The following DHRSX variants were observed in gnomAD, a reference collection of about 807,000 sequenced individuals.
DHRSX encodes dehydrogenase/reductase X-linked.
DHRSX carries 31 observed loss-of-function variants against 34.0 expected under a neutral mutation model. The ratio of observed to expected loss-of-function variants is 0.91; its 90% CI spans 0.69 to 1.23. The LOEUF (loss-of-function observed/expected upper bound fraction) is 1.23, where lower values mean the gene tolerates loss of function less well. Ranked by LOEUF, DHRSX falls within the 50% of genes most tolerant of loss-of-function variation. The pLI is 0.00. For missense variants in DHRSX, 414 were observed against 428.1 expected, an observed-to-expected ratio of 0.97 and a Z score of 0.29; for synonymous variants, 201 against 183.8, an observed-to-expected ratio of 1.09 and a Z score of -0.76.
chrX:2,256,298 T>C (rs1441809446), intron 5 of DHRSX, among the ~76,000 whole-genome samples: 2 of 151,274 alleles, frequency 1.3e-5, no homozygotes, highest in African/African-American at 2.4e-5. Context: ...TGCCCTTTTT[T>C]TTCTTTTTTT....
chrX:2,230,195 ATG>A (rs752858289), intron 6 of DHRSX, among the ~76,000 whole-genome samples: 29 of 138,246 alleles, frequency 2.1e-4, no homozygotes, highest in Admixed American at 2.9e-4. Context: ...TTGCATCTAT[ATG>A]TGTGTATTTG....
At chrX:2,272,145 CCAA>C (rs960653313) in intron 4 of DHRSX, among the ~76,000 whole-genome samples, 1 of 151,938 alleles carries the variant, frequency 6.6e-6, no homozygotes, top group Admixed American at 6.6e-5. Flanking sequence ...CAAAAAAAAA[CCAA>C]CAACAAAAAA....
At chrX:2,313,792 C>T (rs2042192943) in intron 3 of DHRSX, among the ~76,000 whole-genome samples, 1 of 152,092 alleles carries the variant, frequency 6.6e-6, no homozygotes, top group Admixed American at 6.6e-5. Flanking sequence ...AACATGTACC[C>T]CAGGTGGTCG....
intron 3 of DHRSX, among the ~76,000 whole-genome samples, chrX:2,295,579 C>CA (rs750732236): frequency 7.2e-5 from 11 of 151,742 alleles, no homozygotes; most frequent in Middle Eastern, 6.8e-3. Flanking sequence ...ATAATAATAC[C>CA]AAAAAAACAA....
At chrX:2,235,500 T>A (rs2015990930) in intron 6 of DHRSX, among the ~76,000 whole-genome samples, 1 of 151,744 alleles carries the variant, frequency 6.6e-6, no homozygotes, top group Non-Finnish European at 1.5e-5. Context: ...ATCCCAGCAC[T>A]CTGGGAGGCC....
intron 1 of DHRSX, among the ~76,000 whole-genome samples, chrX:2,473,221 G>A (rs150591570): frequency 0.014 from 2,079 of 152,286 alleles, 49 homozygotes; most frequent in African/African-American, 0.047. Flanking sequence ...AGAAACAAGA[G>A]ACAGGAATAT....
chrX:2,314,268 GAGGGAAT>G (rs1228721357), intron 3 of DHRSX, among the ~76,000 whole-genome samples: 7 of 62,392 alleles, frequency 1.1e-4, no homozygotes, highest in Non-Finnish European at 1.3e-4. Context: ...GGGAATGAAG[GAGGGAAT>G]GAGGGAGGGA....
intron 4 of DHRSX, 85 bp downstream of exon 4, chrX:2,291,417 T>G: frequency 2.1e-5 from 22 of 1,038,430 alleles, no homozygotes; most frequent in Non-Finnish European, 2.9e-5. Flanking sequence ...CCTGTTTTGC[T>G]GAGACACTTC....
chrX:2,315,942 A>G (rs1322334212), intron 3 of DHRSX, among the ~76,000 whole-genome samples: 1 of 151,712 alleles, frequency 6.6e-6, no homozygotes, highest in Non-Finnish European at 1.5e-5. Context: ...GCTCACTGCA[A>G]CCTCCGCCTC....
chrX:2,489,110 G>A (rs368603209), intron 1 of DHRSX: 137 of 1,613,602 alleles, frequency 8.5e-5, no homozygotes, highest in East Asian at 2.5e-4. Context: ...GGGCGGCGGC[G>A]TGGATGTCCG....
At chrX:2,398,000 T>C (rs1333547609) in intron 3 of DHRSX, among the ~76,000 whole-genome samples, 2 of 151,572 alleles carry the variant, frequency 1.3e-5, no homozygotes, top group East Asian at 3.9e-4. Context: ...TAGATACATA[T>C]GCCAACAGGC....
At chrX:2,296,158 T>C (rs1396327633) in intron 3 of DHRSX, among the ~76,000 whole-genome samples, 1 of 152,190 alleles carries the variant, frequency 6.6e-6, no homozygotes, top group Non-Finnish European at 1.5e-5. Flanking sequence ...GCATGTCTCA[T>C]ATGCCTTGGA....
chrX:2,246,728 G>GAAAGAAAGAAAGA (rs1400491922), intron 5 of DHRSX, among the ~76,000 whole-genome samples: 1 of 107,070 alleles, frequency 9.3e-6, no homozygotes, highest in Admixed American at 9.2e-5. Context: ...AAGAAAGAAA[G>GAAAGAAAGAAAGA]AAAGAAAGAA....
intron 5 of DHRSX, among the ~76,000 whole-genome samples, chrX:2,248,624 A>G (rs111849733): frequency 0.026 from 2,100 of 81,334 alleles, 77 homozygotes; most frequent in Non-Finnish European, 0.047. Flanking sequence ...AAAAAAAAAA[A>G]AAGAAAAAGA....
chrX:2,427,610 A>G (rs183282544), intron 1 of DHRSX, among the ~76,000 whole-genome samples: 5 of 152,164 alleles, frequency 3.3e-5, no homozygotes, highest in Admixed American at 3.3e-4. Flanking sequence ...ATCACAAGAC[A>G]AGGACAGAGA....
chrX:2,230,913 G>A (rs1265221034), intron 6 of DHRSX, among the ~76,000 whole-genome samples: 1 of 152,102 alleles, frequency 6.6e-6, no homozygotes, highest in Admixed American at 6.6e-5. Flanking sequence ...TTTTTCTTGA[G>A]AACTGCGACT....
At chrX:2,235,884 C>T (rs1333428806) in intron 6 of DHRSX, among the ~76,000 whole-genome samples, 4 of 150,116 alleles carry the variant, frequency 2.7e-5, no homozygotes, top group Non-Finnish European at 5.9e-5. Context: ...GAGACCGAGG[C>T]GGGCGGATCA....
chrX:2,318,302 G>A (rs2042265004), intron 3 of DHRSX, among the ~76,000 whole-genome samples: 1 of 151,330 alleles, frequency 6.6e-6, no homozygotes. Context: ...GAAGGTCAAG[G>A]CTGTGCCACT....
chrX:2,266,863 A>C lies in DHRSX; in HGVS notation c.473T>G (p.Leu158Arg). ...FGLNYLGHFL[L>R]TNLLLDTLKE... ...CAGCGTATCCAAGAGAAGGTTGGTC[A>C]GCAGGAAGTGCCCTAGGTAGTTCAG... The change falls in exon 5 of 7, where the codon CTG (leucine) becomes CGG (arginine). Residue 158 changes from leucine (L) to arginine (R), a missense_variant. Transcript: ENST00000334651. 6.2e-7 allele frequency: 1 copy of C among 1,613,988 alleles called. No homozygotes were observed.
Sources: allele counts gnomAD v4.1 joint callset (sites outside exome capture counted in the v4.1 genomes callset), GRCh38; gene constraint gnomAD v4.1.1; transcripts MANE v1.5; gene names NCBI Gene and HGNC (gene_info 2026-07-23, HGNC 2026-07-21).